The following GDF10 variants were observed in gnomAD, a reference collection of about 807,000 sequenced individuals.
GDF10 encodes the protein growth differentiation factor 10.
GDF10 carries 23 observed loss-of-function variants against 32.1 expected under a neutral mutation model. The ratio of observed to expected loss-of-function variants is 0.72; its 90% CI spans 0.52 to 1.02. The LOEUF (loss-of-function observed/expected upper bound fraction) is 1.02, where lower values mean the gene tolerates loss of function less well. Among genes scored for constraint, GDF10 ranks in the 50% least tolerant of loss-of-function variants. GDF10 has a pLI of 0.00. For missense variants in GDF10, 764 were observed against 673.9 expected (o/e 1.13, Z -1.48); for synonymous variants, 328 against 303.1 (o/e 1.08, Z -0.85).
chr10:47,303,575 G>A (rs1180974980), intron 1 of GDF10, among the ~76,000 whole-genome samples: 2 of 152,132 alleles, frequency 1.3e-5, no homozygotes, highest in African/African-American at 4.8e-5. Context: ...TGTCAATGGT[G>A]TATTAGCTCT....
At chr10:47,307,104 C>A (rs1366879705) in intron 1 of GDF10, among the ~76,000 whole-genome samples, 1 of 152,038 alleles carries the variant, frequency 6.6e-6, no homozygotes, top group Non-Finnish European at 1.5e-5. Context: ...TGTCTCCCCT[C>A]TAGGCTGAAC....
chr10:47,309,395 G>A (rs1280436158), intron 1 of GDF10, among the ~76,000 whole-genome samples: 2 of 152,204 alleles, frequency 1.3e-5, no homozygotes, highest in African/African-American at 4.8e-5. Flanking sequence ...CCCAACCCAA[G>A]CCATCCTGAG....
Position 47,310,175 on chromosome 10 carries a change from G to A in GDF10, c.699G>A (p.Gly233=). The change falls in exon 2 of 3, where the codon GGG becomes GGA. Residue 233 remains glycine, a synonymous_variant. Coordinates refer to ENST00000580279, the MANE Select transcript of GDF10 (RefSeq NM_004962.5). ...AQLDSEERDP[G]VPRPSPYAPY... The stretch of plus-strand genomic sequence containing the variant: ...TGGATTCTGAGGAGAGGGACCCGGG[G>A]GTGCCCCGGCCCAGCCCCTATGCGC... The A allele has an allele frequency of 1.2e-6, 2 of 1,611,890 alleles. No individual in the cohort carries two copies. Among genetic ancestry groups the A allele is most frequent in the Non-Finnish European group, 1.7e-6 (2 of 1,179,380 alleles).
In GDF10 at chr10:47,309,824, C is replaced by G; in HGVS notation, c.348C>G (p.Phe116Leu). The G allele has an allele frequency of 1.2e-5, 20 of 1,611,868 alleles. No individual in the cohort carries two copies. Among genetic ancestry groups the G allele is most frequent in the Admixed American group, 1.7e-5 (1 of 60,008 alleles). Residue 116 changes from phenylalanine to leucine, a missense_variant, in exon 2 of 3, where the codon TTC becomes TTG. Transcript: ENST00000580279. ...LEVVDQKAVY[F>L]FNLTSMQDSE... ...TGGTCGACCAGAAGGCCGTGTATTT[C>G]TTCAACCTGACTTCCATGCAAGACT...
intron 1 of GDF10, among the ~76,000 whole-genome samples, chr10:47,303,650 C>A (rs541990269): frequency 7.8e-4 from 119 of 152,146 alleles, no homozygotes; most frequent in Non-Finnish European, 1.1e-3. Context: ...GAATTTCGTT[C>A]CTTATTAAAT....
intron 2 of GDF10, among the ~76,000 whole-genome samples, chr10:47,311,487 AAGTC>A (rs2061045949): frequency 6.6e-6 from 1 of 152,196 alleles, no homozygotes. Context: ...CAAGAAAAGA[AAGTC>A]AGTGCATAAA....
At position 47,310,532 on chromosome 10, in the gene GDF10, G is replaced by A. The variant is rs2061041995; in HGVS notation, c.1056G>A (p.Ser352=). ...GCCAGGAGGTGTTCATGGCCGCCTCGCAGGTGCTGGACTTTGACGAGAAGA... is the reference window on the plus strand; with the variant it reads ...GCCAGGAGGTGTTCATGGCCGCCTCACAGGTGCTGGACTTTGACGAGAAGA... The part of the protein sequence containing the change: ...KKGQEVFMAA[S]QVLDFDEKTM... The change falls in exon 2 of 3, where the codon TCG becomes TCA. Residue 352 remains serine (S), a synonymous_variant. Coordinates refer to ENST00000580279, the MANE Select transcript of GDF10 (RefSeq NM_004962.5). 1 of 1,613,906 alleles carries A rather than the reference G, an allele frequency of 6.2e-7. No homozygotes were observed. Among genetic ancestry groups the A allele is most frequent in the Non-Finnish European group, 8.5e-7 (1 of 1,179,766 alleles).
In GDF10 at chr10:47,307,710, C is replaced by T. The variant is rs115005363; in HGVS notation, c.320-2086C>T. Reference sequence around the variant, plus strand: ...GCACAACCTCAAAGGTTCCTCCCCACTCTGAATCTGTTAGCAGAACAATGG... The same window carrying T: ...GCACAACCTCAAAGGTTCCTCCCCATTCTGAATCTGTTAGCAGAACAATGG... On this transcript the variant is annotated intron_variant, in intron 1 of 2. Coordinates refer to ENST00000580279, the MANE Select transcript of GDF10 (RefSeq NM_004962.5). 1.6e-3 allele frequency among the ~76,000 whole-genome samples: 244 copies of T among 152,386 alleles called. 1 individual carries two copies. Among genetic ancestry groups the T allele is most frequent in the African/African-American group, 5.7e-3 (238 of 41,596 alleles).
rs782327619 is a variant in GDF10 at position 47,312,734 on chromosome 10, G to A, written c.1379G>A (p.Arg460Gln). ...SLGVLFLDEN[R>Q]NVVLKVYPNM... ...GGGGTCCTCTTCCTGGATGAGAATC[G>A]GAATGTGGTTCTGAAGGTGTACCCC... Residue 460 changes from arginine (R) to glutamine (Q), a missense_variant, in exon 3 of 3, where the codon CGG becomes CAG. Coordinates refer to ENST00000580279, the MANE Select transcript of GDF10 (RefSeq NM_004962.5). 76 of 1,606,614 alleles carry A rather than the reference G, an allele frequency of 4.7e-5. No individual in the cohort carries two copies. The East Asian group carries it at 6.5e-4, about 14-fold the overall frequency.
rs782474228 is a variant in GDF10, at chr10:47,312,801, C to T, written c.*9C>T. 20 of 1,530,296 alleles carry T rather than the reference C, an allele frequency of 1.3e-5. No homozygotes were observed. Among genetic ancestry groups the T allele is most frequent in the Non-Finnish European group, 1.7e-5 (19 of 1,134,822 alleles). 94.8% of individuals were successfully genotyped at this position (1,530,296 alleles called of 1,614,324 possible). On this transcript the variant is annotated 3_prime_UTR_variant, in exon 3 of 3. Coordinates refer to ENST00000580279, the MANE Select transcript of GDF10 (RefSeq NM_004962.5). ...CCTGTGCCTGCCGGTGAGACCACTCCAGGGTGGAAAGAAGCCACGCCCAGC... is the reference window on the plus strand; with the variant it reads ...CCTGTGCCTGCCGGTGAGACCACTCTAGGGTGGAAAGAAGCCACGCCCAGC...
chr10:47,310,890 C>G, intron 2 of GDF10, 169 bp downstream of exon 2: 1 of 596,868 alleles, frequency 1.7e-6, no homozygotes, highest in South Asian at 2.1e-5. Context: ...AGTGGCAGCC[C>G]GTAGGGTAGT....
chr10:47,312,854 AC>A lies in GDF10; in HGVS notation c.*64del. ...AGCTGCCTTCTCGGAGCCTTCTGCA[AC>A]CAGGACTTGTGGTGCAGCTGCAGAC... On this transcript the variant is annotated 3_prime_UTR_variant, in exon 3 of 3. Transcript: ENST00000580279. 1 of 1,139,080 alleles carries A rather than the reference AC, an allele frequency of 8.8e-7. No individual in the cohort carries two copies. Among genetic ancestry groups the A allele is most frequent in the Non-Finnish European group, 1.2e-6 (1 of 805,118 alleles). 70.6% of individuals were successfully genotyped at this position (1,139,080 alleles called of 1,614,324 possible). A position where few individuals can be genotyped will look rare whatever the true frequency, so the allele number is the denominator to read the frequency against.
intron 1 of GDF10, among the ~76,000 whole-genome samples, chr10:47,302,178 G>T (rs2061007073): frequency 1.3e-5 from 2 of 152,244 alleles, no homozygotes; most frequent in Admixed American, 1.3e-4. Flanking sequence ...CATCTGGCAT[G>T]AACATGACCT....
chr10:47,304,327 G>T (rs1000993495), intron 1 of GDF10, among the ~76,000 whole-genome samples: 2 of 151,976 alleles, frequency 1.3e-5, no homozygotes, highest in Non-Finnish European at 2.9e-5. Flanking sequence ...ACGTGCATGC[G>T]TAAGGGACAG....
rs1390301892 is a variant in GDF10 at position 47,313,537 on chromosome 10, G to T, written c.*745G>T. On this transcript the variant is annotated 3_prime_UTR_variant, in exon 3 of 3. Transcript: ENST00000580279. Reference sequence around the variant, plus strand: ...GATTGTGTATGTTATGTGTTTTTATGGAAAGCTAATAAATTAAAGGTACAG... The same window carrying T: ...GATTGTGTATGTTATGTGTTTTTATTGAAAGCTAATAAATTAAAGGTACAG... The T allele has an allele frequency of 6.6e-6, 1 of 152,468 alleles. No homozygotes were observed. The highest frequency in any genetic ancestry group is 1.5e-5 in the Non-Finnish European group (1 of 68,024). The allele number at this position is 152,468 out of a possible 1,614,324, so 9.4% of individuals were successfully genotyped here. A position where few individuals can be genotyped will look rare whatever the true frequency, so the allele number is the denominator to read the frequency against.
intron 1 of GDF10, among the ~76,000 whole-genome samples, chr10:47,307,444 T>C (rs1355113903): frequency 1.3e-5 from 2 of 152,162 alleles, no homozygotes; most frequent in Non-Finnish European, 2.9e-5. Context: ...AACTGAAAGA[T>C]TTCAGGTTGA....
At chr10:47,301,401 C>T (rs2061004477) in intron 1 of GDF10, among the ~76,000 whole-genome samples, 1 of 152,248 alleles carries the variant, frequency 6.6e-6, no homozygotes, top group Non-Finnish European at 1.5e-5. Context: ...GAGCCCCTAG[C>T]TGGCGTCAGC....
intron 1 of GDF10, among the ~76,000 whole-genome samples, chr10:47,305,773 G>C (rs2061021242): frequency 6.6e-6 from 1 of 152,204 alleles, no homozygotes; most frequent in South Asian, 2.1e-4. Flanking sequence ...AGGAGGCTGA[G>C]TGCCCAGCAA....
intron 1 of GDF10, among the ~76,000 whole-genome samples, chr10:47,305,283 T>C (rs568340367): frequency 6.6e-6 from 1 of 152,322 alleles, no homozygotes; most frequent in African/African-American, 2.4e-5. Flanking sequence ...ACAGTGCTGC[T>C]AGTGCGCTCT....
Sources: gnomAD v4.1 joint callset for allele counts (sites outside exome capture counted in the v4.1 genomes callset) on GRCh38, gnomAD v4.1.1 for gene constraint, MANE v1.5 for transcripts, NCBI Gene and HGNC (gene_info 2026-07-23, HGNC 2026-07-21) for gene names.